Variants in PARN observed in about 807,000 individuals in gnomAD.
PARN encodes poly(A)-specific ribonuclease PARN.
Under a neutral mutation model 102.8 loss-of-function variants are expected in PARN, and 71 were observed. That is an observed-to-expected ratio of 0.69 (90% CI 0.57 to 0.84). The LOEUF (loss-of-function observed/expected upper bound fraction) is 0.84. Ranked by LOEUF, PARN falls within the 40% of genes least tolerant of loss-of-function variation. PARN has a pLI of 0.00. For synonymous variants in PARN, 261 were observed against 252.9 expected, an observed-to-expected ratio of 1.03 and a Z score of -0.30; for missense variants, 782 against 760.9, an observed-to-expected ratio of 1.03 and a Z score of -0.33.
chr16:14,559,288 GA>G (rs1189399767), intron 18 of PARN, among the ~76,000 whole-genome samples: 1 of 147,412 alleles, frequency 6.8e-6, no homozygotes, highest in African/African-American at 2.5e-5. Context: ...AAATTTTTTT[GA>G]AAAATATTTT....
At chr16:14,626,311 T>A (rs533695958) in intron 5 of PARN, among the ~76,000 whole-genome samples, 1 of 152,214 alleles carries the variant, frequency 6.6e-6, no homozygotes, top group Non-Finnish European at 1.5e-5. Context: ...TTTGTTTATT[T>A]TAATTTTTAT....
At chr16:14,523,375 A>C (rs887514966) in intron 21 of PARN, among the ~76,000 whole-genome samples, 6 of 152,214 alleles carry the variant, frequency 3.9e-5, no homozygotes, top group African/African-American at 1.4e-4. Context: ...CTTAACAGTT[A>C]GAAAATGTAC....
chr16:14,619,311 T>A (rs1972134832), intron 5 of PARN, among the ~76,000 whole-genome samples: 1 of 150,748 alleles, frequency 6.6e-6, no homozygotes, highest in Non-Finnish European at 1.5e-5. Context: ...ATAAAAACAT[T>A]AGACTGGGCT....
At chr16:14,630,009 G>A (rs1016603909) in intron 1 of PARN, 98 bp downstream of exon 1, 116 of 1,140,764 alleles carry the variant, frequency 1.0e-4, no homozygotes, top group Non-Finnish European at 1.4e-4. Context: ...GGCTGCCTCA[G>A]CCCCAGGCCC....
At chr16:14,452,994 C>T (rs1236101631) in intron 22 of PARN, among the ~76,000 whole-genome samples, 1 of 152,174 alleles carries the variant, frequency 6.6e-6, no homozygotes, top group African/African-American at 2.4e-5. Context: ...GTGTGTAGCA[C>T]TCTCAATACC....
At chr16:14,459,948 C>T (rs1961873175) in intron 22 of PARN, among the ~76,000 whole-genome samples, 1 of 152,070 alleles carries the variant, frequency 6.6e-6, no homozygotes, top group Non-Finnish European at 1.5e-5. Flanking sequence ...AAAAAATAAA[C>T]TCATACCCAT....
At chr16:14,509,556 C>A (rs1490415071) in intron 21 of PARN, among the ~76,000 whole-genome samples, 2 of 152,064 alleles carry the variant, frequency 1.3e-5, no homozygotes, top group East Asian at 3.9e-4. Context: ...AGCCCTAAAC[C>A]CCATCCATCA....
intron 21 of PARN, among the ~76,000 whole-genome samples, chr16:14,549,798 T>C (rs1967181029): frequency 6.6e-6 from 1 of 152,234 alleles, no homozygotes; most frequent in Non-Finnish European, 1.5e-5. Flanking sequence ...TTGTGTAGTA[T>C]GGGGCTCTTT....
At chr16:14,587,724 A>T (rs1045078186) in intron 13 of PARN, among the ~76,000 whole-genome samples, 3 of 152,260 alleles carry the variant, frequency 2.0e-5, no homozygotes, top group Non-Finnish European at 4.4e-5. Context: ...TTTCTCTGAC[A>T]ATGCCAGAAC....
At chr16:14,439,780 C>T (rs550521589) in intron 23 of PARN, among the ~76,000 whole-genome samples, 1 of 152,300 alleles carries the variant, frequency 6.6e-6, no homozygotes, top group South Asian at 2.1e-4. Context: ...CTTTGGGAGG[C>T]TGAGGCCGGT....
At chr16:14,597,766 C>T (rs1474443468) in intron 12 of PARN, among the ~76,000 whole-genome samples, 1 of 152,056 alleles carries the variant, frequency 6.6e-6, no homozygotes, top group Non-Finnish European at 1.5e-5. Flanking sequence ...AACCATATAT[C>T]CTCAAATCAG....
intron 21 of PARN, among the ~76,000 whole-genome samples, chr16:14,539,344 C>T (rs1170871272): frequency 6.6e-6 from 1 of 152,334 alleles, no homozygotes; most frequent in African/African-American, 2.4e-5. Context: ...ACACAACAGC[C>T]GCTTTAATGC....
chr16:14,613,558 G>A (rs1971664074), intron 6 of PARN, among the ~76,000 whole-genome samples: 1 of 152,140 alleles, frequency 6.6e-6, no homozygotes, highest in Non-Finnish European at 1.5e-5. Flanking sequence ...GGGAGGTAGA[G>A]GTTGCAGTGA....
At chr16:14,570,321 C>CAAAA (rs59965954) in intron 18 of PARN, among the ~76,000 whole-genome samples, 93 of 63,012 alleles carry the variant, frequency 1.5e-3, no homozygotes, top group Admixed American at 1.7e-3. Context: ...GACTCTGTCT[C>CAAAA]AAAAAAAAAA....
intron 2 of PARN, 41 bp downstream of exon 2, chr16:14,629,556 G>A: frequency 7.2e-7 from 1 of 1,394,002 alleles, no homozygotes; most frequent in Non-Finnish European, 1.0e-6. Context: ...CCTTGGCTAT[G>A]CACTGCAAAG....
At chr16:14,613,037 C>T (rs932757316) in intron 6 of PARN, among the ~76,000 whole-genome samples, 7 of 149,754 alleles carry the variant, frequency 4.7e-5, no homozygotes, top group Admixed American at 2.0e-4. Context: ...GGACGGGGCG[C>T]GGTGGCTCAC....
chr16:14,563,444 G>A (rs550760296), intron 18 of PARN, among the ~76,000 whole-genome samples: 1 of 151,666 alleles, frequency 6.6e-6, no homozygotes, highest in African/African-American at 2.4e-5. Context: ...ACATGATGCT[G>A]ACCACGAGTT....
chr16:14,621,028 C>A lies in PARN; in HGVS notation c.328-3378G>T, dbSNP rs9930806. Among the ~76,000 whole-genome samples the A allele has an allele frequency of 1.1e-3, 175 of 152,258 alleles. 1 individual carries two copies. The highest frequency in any genetic ancestry group is 4.0e-3 in the African/African-American group (167 of 41,554). On this transcript the variant is annotated intron_variant, in intron 5 of 23. Coordinates refer to ENST00000437198, the MANE Select transcript of PARN (RefSeq NM_002582.4). ...AAATGGTGAGATATAAAAAGACAAT[C>A]TGAACACAGAAAAACACACAAACAA...
intron 22 of PARN, among the ~76,000 whole-genome samples, chr16:14,461,007 A>T (rs1290796095): frequency 6.6e-6 from 1 of 152,264 alleles, no homozygotes; most frequent in Non-Finnish European, 1.5e-5. Flanking sequence ...TCACATTGAC[A>T]GCATGTTCCC....
Sources: allele counts gnomAD v4.1 joint callset (sites outside exome capture counted in the v4.1 genomes callset), GRCh38; gene constraint gnomAD v4.1.1; transcripts MANE v1.5; gene names NCBI Gene and HGNC (gene_info 2026-07-23, HGNC 2026-07-21).